The following RFC5 variants were observed in gnomAD, a reference collection of about 807,000 sequenced individuals.
The protein encoded by RFC5 is A1 36 kDa subunit.
In RFC5, 26 loss-of-function variants were observed where a neutral mutation model predicts 44.3. That is an observed-to-expected ratio of 0.59 (90% CI 0.43 to 0.81). The LOEUF (loss-of-function observed/expected upper bound fraction) is 0.81. Ranked by LOEUF, RFC5 falls within the 40% of genes least tolerant of loss-of-function variation. RFC5 has a pLI of 0.00. For missense variants in RFC5, 328 were observed against 418.6 expected, an observed-to-expected ratio of 0.78 and a Z score of 1.89; for synonymous variants, 155 against 155.2, an observed-to-expected ratio of 1.00 and a Z score of 0.01.
chr12:118,026,747 T>TA, intron 7 of RFC5, 142 bp from the exon 8 acceptor site: 1 of 813,886 alleles, frequency 1.2e-6, no homozygotes, highest in South Asian at 1.8e-5. Context: ...GTATTGAATA[T>TA]GTGGGTTCCC....
At chr12:118,020,834 AC>A in intron 3 of RFC5, 71 bp from the exon 4 acceptor site, 1 of 927,318 alleles carries the variant, frequency 1.1e-6, no homozygotes, top group Admixed American at 1.8e-5. Flanking sequence ...ATGAGGAAAT[AC>A]ACTAACACCA....
chr12:118,022,333 A>G lies in RFC5; in HGVS notation c.395A>G (p.Gln132Arg). The G allele has an allele frequency of 1.2e-6, 2 of 1,613,960 alleles. No individual in the cohort carries two copies. The highest frequency in any genetic ancestry group is 1.7e-6 in the Non-Finnish European group (2 of 1,179,816). ...VILDEADAMT[Q>R]DAQNALRRVI... ...TTGGATGAAGCAGACGCCATGACTC[A>G]GGACGCCCAGAATGCCTTGAGAAGA... is the stretch of plus-strand genomic sequence containing the variant. Residue 132 changes from glutamine (Q) to arginine (R), a missense_variant, in exon 5 of 11, where the codon CAG becomes CGG. Transcript: ENST00000454402.
chr12:118,038,851 T>G, the RFC5 span, among the ~76,000 whole-genome samples: 1 of 152,140 alleles, frequency 6.6e-6, no homozygotes. Flanking sequence ...CAGCTCATTT[T>G]TGTACTTTTA....
At chr12:118,035,216 G>A, downstream of RFC5, 1 of 1,614,182 alleles carries the variant, frequency 6.2e-7, no homozygotes, top group Non-Finnish European at 8.5e-7. Context: ...TTCGTTACCT[G>A]TCATCTGCCA....
intron 6 of RFC5, 135 bp from the exon 7 acceptor site, chr12:118,025,612 C>A: frequency 1.6e-6 from 1 of 619,814 alleles, no homozygotes; most frequent in Non-Finnish European, 2.9e-6. Context: ...TCATATAGAT[C>A]AGGAGATTAT....
chr12:118,019,550 C>A lies in RFC5; in HGVS notation c.131-82C>A. 1 of 1,513,096 alleles carries A rather than the reference C, an allele frequency of 6.6e-7. No homozygotes were observed. Among genetic ancestry groups the A allele is most frequent in the South Asian group, 1.2e-5 (1 of 86,240 alleles). 93.7% of individuals were successfully genotyped at this position (1,513,096 alleles called of 1,614,324 possible). A position where few individuals can be genotyped will look rare whatever the true frequency, so the allele number is the denominator to read the frequency against. On this transcript the variant is annotated intron_variant, in intron 2 of 10. Coordinates refer to ENST00000454402, the MANE Select transcript of RFC5 (RefSeq NM_007370.7). The surrounding 1 kb of genome is among the most constrained non-coding windows in gnomAD (Gnocchi z 4.2). ...TTGGACATTGAATTGGGTTGAAGAG[C>A]TTTCAGCCCAACTCAGGAGCCCAGG...
chr12:118,035,541 C>G (rs903397850), downstream of RFC5, among the ~76,000 whole-genome samples: 3 of 152,206 alleles, frequency 2.0e-5, no homozygotes, highest in African/African-American at 7.2e-5. Flanking sequence ...ACTAACACTT[C>G]CTTGTGCTAA....
chr12:118,038,137 A>G, the RFC5 span: 1 of 604,246 alleles, frequency 1.7e-6, no homozygotes, highest in South Asian at 2.6e-5. Context: ...TGCAAGTCAC[A>G]AGGGACTTTT....
chr12:118,037,540 C>T (rs139873567), downstream of RFC5, among the ~76,000 whole-genome samples: 47 of 152,002 alleles, frequency 3.1e-4, no homozygotes, highest in African/African-American at 1.1e-3. Context: ...TGGTGTAGCA[C>T]GCCTATAATC....
chr12:118,025,478 A>G (rs5745859), intron 6 of RFC5: 4,573 of 427,380 alleles, frequency 0.011, 52 homozygotes, highest in Non-Finnish European at 0.013. Flanking sequence ...CCCAGAGAGC[A>G]GAATTCAAGA....
chr12:118,038,471 G>A, the RFC5 span: 3 of 1,305,106 alleles, frequency 2.3e-6, no homozygotes, highest in East Asian at 4.8e-5. Flanking sequence ...GGTGGTAACA[G>A]CCCCCAGCCC....
chr12:118,021,112 C>A, intron 4 of RFC5, 127 bp downstream of exon 4: 1 of 576,278 alleles, frequency 1.7e-6, no homozygotes, highest in Non-Finnish European at 3.1e-6. Flanking sequence ...TCCAAAGCAA[C>A]CATGGAAAAG....
chr12:118,038,161 A>G, the RFC5 span: 5 of 797,944 alleles, frequency 6.3e-6, no homozygotes, highest in African/African-American at 7.1e-5. Context: ...GGTGGTGGCC[A>G]TGGCCCACCA....
In RFC5 at chr12:118,024,734, T is replaced by C. The variant is rs1442253968; in HGVS notation, c.422-117T>C. On this transcript the variant is annotated intron_variant, in intron 5 of 10. Transcript: ENST00000454402. ...ACGCCCGGCCAACATCCTCACTTGT[T>C]TGCAGTATTGAATCTTTTCCTATAC... The C allele has an allele frequency of 4.9e-6, 4 of 823,220 alleles. No homozygotes were observed. The South Asian group carries it at 6.8e-5, about 14-fold the overall frequency. 51.0% of individuals were successfully genotyped at this position (823,220 alleles called of 1,614,324 possible). A position where few individuals can be genotyped will look rare whatever the true frequency, so the allele number is the denominator to read the frequency against.
At position 118,025,848 on chromosome 12, in the gene RFC5, C is replaced by CAT; in HGVS notation, c.663+20_663+21insAT. 1 of 1,009,348 alleles carries CAT rather than the reference C, an allele frequency of 9.9e-7. No individual in the cohort carries two copies. The highest frequency in any genetic ancestry group is 1.5e-6 in the Non-Finnish European group (1 of 680,722). 62.5% of individuals were successfully genotyped at this position (1,009,348 alleles called of 1,614,324 possible). The stretch of plus-strand genomic sequence containing the variant: ...TTGCAGGTATGGTCTCAAGCAAATC[C>CAT]TTTTTTTTTTTTTTTTTTGAGACAG... On this transcript the variant is annotated intron_variant, in intron 7 of 10. Coordinates refer to ENST00000454402, the MANE Select transcript of RFC5 (RefSeq NM_007370.7).
At chr12:118,036,732 C>T (rs1320156064), downstream of RFC5, among the ~76,000 whole-genome samples, 1 of 152,178 alleles carries the variant, frequency 6.6e-6, no homozygotes, top group Non-Finnish European at 1.5e-5. Context: ...AAGGAGCTCA[C>T]TATAAGAGAG....
chr12:118,026,563 C>G (rs751460836), intron 7 of RFC5, among the ~76,000 whole-genome samples: 1 of 152,200 alleles, frequency 6.6e-6, no homozygotes, highest in Non-Finnish European at 1.5e-5. Flanking sequence ...CATGCCACTG[C>G]ACTTCAGCCT....
rs1256132188 is a variant in RFC5, at chr12:118,019,610, C to T, written c.131-22C>T. 6.2e-7 allele frequency: 1 copy of T among 1,613,842 alleles called. No individual in the cohort carries two copies. The highest frequency in any genetic ancestry group is 8.5e-7 in the Non-Finnish European group (1 of 1,179,820). ...GCAGCTCCCAAAGACTGATGGTGCC[C>T]TTCTTCCTTCCTGATCCTCAGTTCA... is the stretch of plus-strand genomic sequence containing the variant. On this transcript the variant is annotated intron_variant, in intron 2 of 10. Transcript: ENST00000454402. The surrounding 1 kb of genome is among the most constrained non-coding windows in gnomAD (Gnocchi z 4.2).
chr12:118,034,574 G>GCGCTCTCTCTCT, downstream of RFC5: 1 of 528,462 alleles, frequency 1.9e-6, no homozygotes, highest in African/African-American at 1.9e-5. Flanking sequence ...ATACCAAAGC[G>GCGCTCTCTCTCT]CTCTCTCTGT....
Sources: allele counts gnomAD v4.1 joint callset (sites outside exome capture counted in the v4.1 genomes callset), GRCh38; gene constraint gnomAD v4.1.1; non-coding constraint Gnocchi (gnomAD v3.1); transcripts MANE v1.5; gene names NCBI Gene and HGNC (gene_info 2026-07-23, HGNC 2026-07-21).